Variants in DLEC1 observed in about 807,000 individuals in gnomAD.
The protein encoded by DLEC1 is deleted in lung and esophageal cancer protein 1.
A neutral mutation model predicts 198.1 loss-of-function variants in DLEC1; 146 were observed. The ratio of observed to expected loss-of-function variants is 0.74; its 90% CI spans 0.64 to 0.85. The LOEUF (loss-of-function observed/expected upper bound fraction) is 0.85, where lower values mean the gene tolerates loss of function less well. DLEC1 is among the 40% of genes least tolerant of loss of function. The pLI is 0.00. For synonymous variants in DLEC1, 897 were observed against 866.8 expected, an observed-to-expected ratio of 1.03 and a Z score of -0.61; for missense variants, 2,233 against 2,220.0, an observed-to-expected ratio of 1.01 and a Z score of -0.12.
At chr3:38,063,996 C>CT (rs375420632) in intron 6 of DLEC1, 77 bp downstream of exon 6, 2,748 of 558,000 alleles carry the variant, frequency 4.9e-3, no homozygotes, top group Non-Finnish European at 5.5e-3. Flanking sequence ...TGGAAATTTT[C>CT]TTTTTTTTTT....
In DLEC1 at chr3:38,039,463, C is replaced by T. The variant is rs1700547095; in HGVS notation, c.238C>T (p.Leu80Phe). Residue 80 changes from leucine to phenylalanine, a missense_variant, in exon 1 of 37, where the codon CTT becomes TTT. Coordinates refer to ENST00000308059, the MANE Select transcript of DLEC1 (RefSeq NM_007335.4). ...GGCGCAGCGTCCCGAGCCTCAGCTGCTTCGTCTGCGCCCCTCCTCGCTGCG... is the reference window on the plus strand; with the variant it reads ...GGCGCAGCGTCCCGAGCCTCAGCTGTTTCGTCTGCGCCCCTCCTCGCTGCG... ...ALAQRPEPQL[L>F]RLRPSSLRTQ... 1 of 1,614,052 alleles carries T rather than the reference C, an allele frequency of 6.2e-7. No homozygotes were observed. Among genetic ancestry groups the T allele is most frequent in the East Asian group, 2.2e-5 (1 of 44,890 alleles).
At chr3:38,094,383 G>C (rs1456818285) in intron 12 of DLEC1, among the ~76,000 whole-genome samples, 1 of 152,170 alleles carries the variant, frequency 6.6e-6, no homozygotes, top group African/African-American at 2.4e-5. Flanking sequence ...CTATGCTATG[G>C]AGTTGCCACT....
At chr3:38,109,255 G>A (rs1301258917) in intron 21 of DLEC1, among the ~76,000 whole-genome samples, 177 bp from the exon 22 acceptor site, 3 of 152,236 alleles carry the variant, frequency 2.0e-5, no homozygotes, top group South Asian at 2.1e-4. Flanking sequence ...CCTGAGGAAA[G>A]GGCCAGGCTT....
At chr3:38,072,908 T>A (rs1317919009) in intron 6 of DLEC1, among the ~76,000 whole-genome samples, 1 of 151,932 alleles carries the variant, frequency 6.6e-6, no homozygotes, top group African/African-American at 2.4e-5. Flanking sequence ...GTTGAGAAGA[T>A]TCAAAGGAGG....
At chr3:38,039,663 C>T in intron 1 of DLEC1, 27 bp downstream of exon 1, 2 of 1,574,600 alleles carry the variant, frequency 1.3e-6, no homozygotes, top group Non-Finnish European at 1.7e-6. Flanking sequence ...GTCGCGTCTG[C>T]GGACGGTGCC....
intron 13 of DLEC1, 106 bp from the exon 14 acceptor site, chr3:38,095,782 G>T (rs1056454076): frequency 4.1e-6 from 6 of 1,449,062 alleles, no homozygotes; most frequent in Non-Finnish European, 5.7e-6. Context: ...AGGTCCTTCT[G>T]ATGGCTAGGC....
chr3:38,072,035 A>G (rs369991112), intron 6 of DLEC1, among the ~76,000 whole-genome samples: 35 of 152,194 alleles, frequency 2.3e-4, no homozygotes, highest in Non-Finnish European at 3.7e-4. Flanking sequence ...TGGAACTGCC[A>G]TCAATAAACC....
rs573047235 is a variant in DLEC1, at chr3:38,109,620, G to A, written c.3260+58G>A. 3.2e-5 allele frequency: 51 copies of A among 1,609,680 alleles called. 1 individual carries two copies. The highest frequency in any genetic ancestry group is 1.5e-4 in the South Asian group (14 of 90,802). On this transcript the variant is annotated intron_variant, in intron 22 of 36. Transcript: ENST00000308059. The stretch of plus-strand genomic sequence containing the variant: ...GTGGACTGAGGAATGAGGCAGCCGC[G>A]CCCAGGACCAGCACGGCACTGTGGT...
intron 13 of DLEC1, 147 bp from the exon 14 acceptor site, chr3:38,095,741 G>C (rs1282769984): frequency 4.4e-6 from 4 of 914,986 alleles, no homozygotes; most frequent in Non-Finnish European, 5.1e-6. Flanking sequence ...GAGGGGAGGA[G>C]GCAGCAGGGA....
chr3:38,088,395 A>T lies in DLEC1; in HGVS notation c.1665+7A>T, dbSNP rs372877065. The T allele has an allele frequency of 3.1e-6, 5 of 1,607,954 alleles. No homozygotes were observed. Among genetic ancestry groups the T allele is most frequent in the Non-Finnish European group, 2.6e-6 (3 of 1,175,566 alleles). ...ACATGCTATATTAGTGGAGGTAGGT[A>T]ATCAGACATTGGCATGTATTTCCTC... On this transcript the variant is annotated splice_region_variant and intron_variant, in intron 10 of 36. Coordinates refer to ENST00000308059, the MANE Select transcript of DLEC1 (RefSeq NM_007335.4).
Position 38,039,462 on chromosome 3 carries a change from G to A in DLEC1, c.237G>A (p.Leu79=). 6.2e-7 allele frequency: 1 copy of A among 1,614,042 alleles called. No individual in the cohort carries two copies. The highest frequency in any genetic ancestry group is 8.5e-7 in the Non-Finnish European group (1 of 1,179,890). Residue 79 remains leucine (L), a synonymous_variant, in exon 1 of 37, where the codon CTG becomes CTA. Transcript: ENST00000308059. ...TGGCGCAGCGTCCCGAGCCTCAGCT[G>A]CTTCGTCTGCGCCCCTCCTCGCTGC... The part of the protein sequence containing the change: ...LALAQRPEPQ[L]LRLRPSSLRT...
intron 2 of DLEC1, chr3:38,052,253 C>A (rs3792520): frequency 0.44 from 206,617 of 470,148 alleles, 47,291 homozygotes; most frequent in East Asian, 0.64. Context: ...ACCAGAGACT[C>A]CCTGTTGGTG....
In DLEC1 at chr3:38,116,869, T is replaced by C. The variant is rs1700198307; in HGVS notation, c.4159T>C (p.Cys1387Arg). 1.2e-6 allele frequency: 2 copies of C among 1,613,590 alleles called. No individual in the cohort carries two copies. The highest frequency in any genetic ancestry group is 4.5e-5 in the East Asian group (2 of 44,880). ...GGGGGTGCCCTCCGGCCACCTGTAC[T>C]GTATCAGCCCCAAGCAGGTGGTGAG... ...HEGVPSGHLY[C>R]ISPKQVVVPA... Residue 1387 changes from cysteine (C) to arginine (R), a missense_variant, in exon 29 of 37, where the codon TGT (cysteine) becomes CGT (arginine). Transcript: ENST00000308059.
chr3:38,059,803 C>T lies in DLEC1; in HGVS notation c.624C>T (p.Ser208=). 6.2e-7 allele frequency: 1 copy of T among 1,614,134 alleles called. No homozygotes were observed. Residue 208 remains serine, a synonymous_variant, in exon 3 of 37, where the codon TCC becomes TCT. Transcript: ENST00000308059. ...TGCTACGGAAACATCATTTGATCTC[C>T]CCAGAAGATTACTACACCGATACAG... The part of the protein sequence containing the change: ...SELLRKHHLI[S]PEDYYTDTVP...
At chr3:38,090,734 C>A (rs1343800814) in intron 10 of DLEC1, among the ~76,000 whole-genome samples, 1 of 152,220 alleles carries the variant, frequency 6.6e-6, no homozygotes, top group East Asian at 1.9e-4. Context: ...CTTTCAACAG[C>A]AGTATGTAAG....
Position 38,117,892 on chromosome 3 carries a change from G to C in DLEC1, c.4572G>C (p.Arg1524Ser). ...ACTACTTCCGGCTTATGGTCTCCAG[G>C]CCCTTCTCCGTTTCTCAAGATGGGG... ...IPHYFRLMVSRPFSVSQDGAS... is the reference protein window; with the variant it reads ...IPHYFRLMVSSPFSVSQDGAS... Residue 1524 changes from arginine (R) to serine (S), a missense_variant, in exon 33 of 37, where the codon AGG becomes AGC. Transcript: ENST00000308059. 6.2e-7 allele frequency: 1 copy of C among 1,614,080 alleles called. No individual in the cohort carries two copies.
Position 38,122,056 on chromosome 3 carries a change from T to C in DLEC1, c.5021-15T>C. ...GCTGCCTGCACTCATGTGTCTTCCCTTCCCTTTGGTGCAGGCCAGCAGGAG... is the reference window on the plus strand; with the variant it reads ...GCTGCCTGCACTCATGTGTCTTCCCCTCCCTTTGGTGCAGGCCAGCAGGAG... On this transcript the variant is annotated splice_polypyrimidine_tract_variant and intron_variant, in intron 35 of 36. Coordinates refer to ENST00000308059, the MANE Select transcript of DLEC1 (RefSeq NM_007335.4). 1.9e-6 allele frequency: 3 copies of C among 1,613,178 alleles called. No homozygotes were observed. Among genetic ancestry groups the C allele is most frequent in the African/African-American group, 1.3e-5 (1 of 75,038 alleles).
At chr3:38,079,924 G>C (rs1697871586) in intron 6 of DLEC1, among the ~76,000 whole-genome samples, 1 of 152,154 alleles carries the variant, frequency 6.6e-6, no homozygotes, top group Admixed American at 6.5e-5. Context: ...GGGGTTTGAG[G>C]GCTGGAATTT....
intron 34 of DLEC1, among the ~76,000 whole-genome samples, chr3:38,121,083 G>C (rs1198782911): frequency 6.6e-6 from 1 of 152,138 alleles, no homozygotes; most frequent in Admixed American, 6.5e-5. Flanking sequence ...GAGTGTGAAG[G>C]AGTGGCCTGG....
Sources: gnomAD v4.1 joint callset for allele counts (sites outside exome capture counted in the v4.1 genomes callset) on GRCh38, gnomAD v4.1.1 for gene constraint, MANE v1.5 for transcripts, NCBI Gene and HGNC (gene_info 2026-07-23, HGNC 2026-07-21) for gene names.